Variants in CPSF1 observed in about 807,000 individuals in gnomAD.
CPSF1 encodes cleavage and polyadenylation specific factor 1.
Under a neutral mutation model 175.8 loss-of-function variants are expected in CPSF1, and 106 were observed. The observed-to-expected ratio is 0.60, with a 90% CI of 0.52 to 0.71. The LOEUF is 0.71. CPSF1 is among the 30% of genes least tolerant of loss of function. CPSF1 has a pLI of 0.00. For synonymous variants in CPSF1, 1,024 were observed against 858.3 expected, an observed-to-expected ratio of 1.19 and a Z score of -3.37; for missense variants, 1,734 against 2,022.9, an observed-to-expected ratio of 0.86 and a Z score of 2.74.
rs149933897 is a variant in CPSF1 at position 144,400,990 on chromosome 8, C to T, written c.473G>A (p.Arg158Gln). ...RCAAMLVYGT[R>Q]LVVLPFRRES... ...CCTGCGGAAGGGCAGGACCACCAGC[C>T]GCGTGCCGTAGACAAGCATGGCTGC... The change falls in exon 6 of 38, where the codon CGG (arginine) becomes CAG (glutamine). Residue 158 changes from arginine (R) to glutamine (Q), a missense_variant. Arg to Gln is a conservative substitution (Grantham distance 43). Around this residue, in one of 10 missense-constraint regions of CPSF1, gnomAD observed 122 missense variants for 177.2 expected, o/e 0.69. Transcript: ENST00000616140. 115 of 1,610,520 alleles carry T rather than the reference C, an allele frequency of 7.1e-5. No homozygotes were observed. Among genetic ancestry groups the T allele is most frequent in the Non-Finnish European group, 9.5e-5 (112 of 1,178,504 alleles).
chr8:144,400,664 G>T lies in CPSF1; in HGVS notation c.686+7C>A, dbSNP rs1554866438. ...ACAGTGCAGAGGGGCCTCCTTAGGG[G>T]GCTCACCCAGGCCAGGTCTGGTTGG... On this transcript the variant is annotated splice_region_variant and intron_variant, in intron 7 of 37. Transcript: ENST00000616140. 18 of 1,603,348 alleles carry T rather than the reference G, an allele frequency of 1.1e-5. No homozygotes were observed. Among genetic ancestry groups the T allele is most frequent in the Non-Finnish European group, 1.5e-5 (18 of 1,175,066 alleles).
rs2116857663 is a variant in CPSF1 at position 144,399,056 on chromosome 8, G to T, written c.1468-18C>A. ...TTCTGAAACTGCACAGGACTCGGGG[G>T]TGAGGACTATGCCCCCCACCCCCCC... On this transcript the variant is annotated intron_variant, in intron 15 of 37. Coordinates refer to ENST00000616140, the MANE Select transcript of CPSF1 (RefSeq NM_013291.3). The surrounding 1 kb of genome is among the most constrained non-coding windows in gnomAD (Gnocchi z 6.4). 3 of 1,566,814 alleles carry T rather than the reference G, an allele frequency of 1.9e-6. No individual in the cohort carries two copies. In the South Asian group the frequency reaches 3.5e-5, roughly 18 times the overall value.
At chr8:144,408,941 T>G in intron 2 of CPSF1, 74 bp downstream of exon 2, 1 of 1,558,808 alleles carries the variant, frequency 6.4e-7, no homozygotes, top group Non-Finnish European at 8.7e-7. Flanking sequence ...GGCTTGGCTC[T>G]TCCATCTGCA....
rs1821040934 is a variant in CPSF1, at chr8:144,399,740, G to A, written c.1120-30C>T. 2 of 1,600,446 alleles carry A rather than the reference G, an allele frequency of 1.2e-6. No individual in the cohort carries two copies. The highest frequency in any genetic ancestry group is 1.7e-6 in the Non-Finnish European group (2 of 1,173,966). Reference sequence around the variant, plus strand: ...GGGAGGGCAGGTGTGTGATGGCTGGGCCGGGTCTGGACCCAGACCCAACCC... The same window carrying A: ...GGGAGGGCAGGTGTGTGATGGCTGGACCGGGTCTGGACCCAGACCCAACCC... On this transcript the variant is annotated intron_variant, in intron 11 of 37. Transcript: ENST00000616140. This position sits in a 1 kb window ranked among gnomAD's most constrained non-coding sequence, Gnocchi z 6.4.
chr8:144,399,766 C>T lies in CPSF1; in HGVS notation c.1119+15G>A. On this transcript the variant is annotated intron_variant, in intron 11 of 37. Transcript: ENST00000616140. The surrounding 1 kb of genome is among the most constrained non-coding windows in gnomAD (Gnocchi z 6.4). Reference sequence around the variant, plus strand: ...CCGGGTCTGGACCCAGACCCAACCCCTAGTCCCAACTCACGCTGGTGGTGA... The same window carrying T: ...CCGGGTCTGGACCCAGACCCAACCCTTAGTCCCAACTCACGCTGGTGGTGA... 6.3e-7 allele frequency: 1 copy of T among 1,585,242 alleles called. No homozygotes were observed. The highest frequency in any genetic ancestry group is 8.6e-7 in the Non-Finnish European group (1 of 1,166,254).
chr8:144,409,254 G>A, intron 1 of CPSF1, 35 bp downstream of exon 1: 1 of 1,177,452 alleles, frequency 8.5e-7, no homozygotes, highest in South Asian at 3.8e-5. Flanking sequence ...CCCCGGCCTC[G>A]CGCTGCCGCC....
At chr8:144,404,169 G>T (rs1821369358) in intron 2 of CPSF1, among the ~76,000 whole-genome samples, 1 of 151,856 alleles carries the variant, frequency 6.6e-6, no homozygotes, top group South Asian at 2.1e-4. Flanking sequence ...GTTGCAGTGA[G>T]CCAAGATCAT....
rs1820466642 is a variant in CPSF1 at position 144,393,493 on chromosome 8, G to A, written c.4243C>T (p.Arg1415Cys). ...NRYLYLSTME[R>C]SELAKKIGTT... ...CCGATCTTCTTGGCTAGCTCGCTGC[G>A]CTCCATGGTGCTCAGGTACAGGTAG... The change falls in exon 37 of 38, where the codon CGC (arginine) becomes TGC (cysteine). Residue 1415 changes from arginine to cysteine, a missense_variant. Physicochemically the swap from Arg to Cys is radical, Grantham distance 180. Transcript: ENST00000616140. 1.9e-6 allele frequency: 3 copies of A among 1,577,404 alleles called. No individual in the cohort carries two copies. Among genetic ancestry groups the A allele is most frequent in the Non-Finnish European group, 2.6e-6 (3 of 1,163,394 alleles).
At chr8:144,396,196 G>A in intron 26 of CPSF1, 152 bp downstream of exon 26, 2 of 809,836 alleles carry the variant, frequency 2.5e-6, no homozygotes, top group East Asian at 2.7e-5. Flanking sequence ...CAAGTCACAG[G>A]TTCCACCTCC....
At chr8:144,400,143 C>A (rs2116872227) in intron 9 of CPSF1, 23 bp downstream of exon 9, 63 of 1,222,608 alleles carry the variant, frequency 5.2e-5, no homozygotes, top group Non-Finnish European at 6.8e-5. Flanking sequence ...GGGCCCCCCC[C>A]GCCCCAGCCA....
rs201590324 is a variant in CPSF1, at chr8:144,397,787, C to G, written c.2166G>C (p.Gly722=). 917 of 1,610,494 alleles carry G rather than the reference C, an allele frequency of 5.7e-4. 2 individuals are homozygous for G. The highest frequency in any genetic ancestry group is 5.4e-3 in the African/African-American group (406 of 74,974). ...CCTCGGCCTCCGGGCCACTGCGGCC[C>G]CCGAGCTCGTCACGGGCCCCACCCA... ...SRLGGARDEL[G]GRSGPEAEGL... The change falls in exon 21 of 38, where the codon GGG becomes GGC. Residue 722 remains glycine (G), a synonymous_variant. Transcript: ENST00000616140.
intron 5 of CPSF1, 62 bp from the exon 6 acceptor site, chr8:144,401,137 G>A: frequency 7.5e-7 from 1 of 1,339,584 alleles, no homozygotes; most frequent in Non-Finnish European, 9.9e-7. Flanking sequence ...AACACTTGGG[G>A]CCACAGAACC....
rs1419729322 is a variant in CPSF1, at chr8:144,394,003, G to T, written c.3895C>A (p.Arg1299=). 1.9e-6 allele frequency: 3 copies of T among 1,613,030 alleles called. No individual in the cohort carries two copies. Among genetic ancestry groups the T allele is most frequent in the Non-Finnish European group, 2.5e-6 (3 of 1,179,522 alleles). ...TGGGCACCCACGTGGAAGTCTGCCC[G>T]ACGCAGCAGGCGCATGCCCCCGAAA... The part of the protein sequence containing the change: ...ESFGGMRLLR[R]ADFHVGAHVN... Residue 1299 remains arginine (R), a synonymous_variant, in exon 35 of 38, where the codon CGG becomes AGG. Coordinates refer to ENST00000616140, the MANE Select transcript of CPSF1 (RefSeq NM_013291.3).
chr8:144,400,499 G>A lies in CPSF1; in HGVS notation c.687-6C>T. The A allele has an allele frequency of 1.2e-6, 2 of 1,612,250 alleles. No homozygotes were observed. Among genetic ancestry groups the A allele is most frequent in the South Asian group, 2.2e-5 (2 of 91,076 alleles). On this transcript the variant is annotated splice_region_variant and splice_polypyrimidine_tract_variant and intron_variant, in intron 7 of 37. Coordinates refer to ENST00000616140, the MANE Select transcript of CPSF1 (RefSeq NM_013291.3). ...CCTGCCGCACGGCCACGCGCCTGGGGACGCCAGTGGGTCAGCCAAGGGCCT... is the reference window on the plus strand; with the variant it reads ...CCTGCCGCACGGCCACGCGCCTGGGAACGCCAGTGGGTCAGCCAAGGGCCT...
chr8:144,394,965 C>A lies in CPSF1; in HGVS notation c.3331G>T (p.Glu1111Ter). The stretch of plus-strand genomic sequence containing the variant: ...CCTTTGAGGCCCGACACGGTCTCCT[C>A]ACTGCGCAGAGACACTGTCTTCATG... ...TCMKTVSLRS[E>*]ETVSGLKGYV... The change falls in exon 30 of 38, where the codon GAG (glutamate) becomes TAG (stop). Residue 1111 changes from glutamate (E) to a stop codon, truncating the protein, a stop_gained. Transcript: ENST00000616140. LOFTEE classifies it high-confidence loss of function. The A allele has an allele frequency of 6.2e-7, 1 of 1,613,038 alleles. No individual in the cohort carries two copies. The highest frequency in any genetic ancestry group is 1.1e-5 in the South Asian group (1 of 91,082).
At chr8:144,400,560 G>A (rs2116876339) in intron 7 of CPSF1, 67 bp from the exon 8 acceptor site, 397 of 1,607,516 alleles carry the variant, frequency 2.5e-4, no homozygotes, top group Non-Finnish European at 3.1e-4. Flanking sequence ...AGCTCCTCCC[G>A]AGCAAGCCCC....
At position 144,397,859 on chromosome 8, in the gene CPSF1, C is replaced by G; in HGVS notation, c.2094G>C (p.Leu698=). The G allele has an allele frequency of 6.2e-7, 1 of 1,609,642 alleles. No individual in the cohort carries two copies. Among genetic ancestry groups the G allele is most frequent in the East Asian group, 2.2e-5 (1 of 44,800 alleles). Residue 698 remains leucine (L), a synonymous_variant, in exon 21 of 38, where the codon CTG becomes CTC. Transcript: ENST00000616140. ...TGCCGCTGAGGTCTCGGTACAGGCA[C>G]AGCGTAATCACCTTGGACTGCTGCG... ...PLHHQSKVIT[L]CLYRDLSGMF...
At chr8:144,406,018 G>A (rs1821480946) in intron 2 of CPSF1, among the ~76,000 whole-genome samples, 1 of 152,182 alleles carries the variant, frequency 6.6e-6, no homozygotes, top group African/African-American at 2.4e-5. Context: ...TGGCTTCCAG[G>A]TCTGCGATTA....
At chr8:144,407,527 CA>C (rs1176571603) in intron 2 of CPSF1, among the ~76,000 whole-genome samples, 22 of 149,298 alleles carry the variant, frequency 1.5e-4, no homozygotes, top group African/African-American at 3.0e-4. Flanking sequence ...ATTAAAAATA[CA>C]AAAAAAAAAT....
Sources: allele counts gnomAD v4.1 joint callset (sites outside exome capture counted in the v4.1 genomes callset), GRCh38; gene constraint gnomAD v4.1.1; regional missense constraint gnomAD v4.1.1; non-coding constraint Gnocchi (gnomAD v3.1); transcripts MANE v1.5; gene names NCBI Gene and HGNC (gene_info 2026-07-23, HGNC 2026-07-21).